FRY: variants seen among roughly 807,000 people sequenced by gnomAD.
FRY encodes FRY microtubule binding protein, also known as protein furry homolog.
FRY carries 128 observed loss-of-function variants against 348.4 expected under a neutral mutation model. The observed-to-expected ratio is 0.37, with a 90% confidence interval of 0.32 to 0.43. FRY has a LOEUF of 0.43. Among genes scored for constraint, FRY ranks in the 20% least tolerant of loss-of-function variants. FRY has a pLI of 1.00. For synonymous variants in FRY, 1,370 were observed against 1,374.7 expected (o/e 1.00, Z 0.08); for missense variants, 2,736 against 3,695.2 (o/e 0.74, Z 6.73).
intron 3 of FRY, among the ~76,000 whole-genome samples, chr13:32,105,020 A>T (rs576379891): frequency 6.6e-6 from 1 of 152,328 alleles, no homozygotes; most frequent in South Asian, 2.1e-4. Context: ...ACAGACTAAT[A>T]TAAAGCCATA....
Position 32,184,727 on chromosome 13 carries a change from A to G in FRY, c.3146+36A>G, listed in dbSNP as rs753952745. 2.5e-6 allele frequency: 3 copies of G among 1,193,672 alleles called. No homozygotes were observed. In the African/African-American group the frequency reaches 4.5e-5, roughly 18 times the overall value. 73.9% of individuals were successfully genotyped at this position (1,193,672 alleles called of 1,614,324 possible). A position where few individuals can be genotyped will look rare whatever the true frequency, so the allele number is the denominator to read the frequency against. On this transcript the variant is annotated intron_variant, in intron 25 of 60. Transcript: ENST00000542859. ...AATTCTACCGAGTTGCTCTCTTCTC[A>G]CCAGACTGATCTTTTTGTTTTCTTT...
intron 1 of FRY, 60 bp downstream of exon 1, chr13:32,031,925 A>T: frequency 1.0e-6 from 1 of 969,336 alleles, no homozygotes. Context: ...ATAAGGCTGG[A>T]GACAGAAAAT....
chr13:32,227,891 A>G (rs2138421575), intron 39 of FRY, among the ~76,000 whole-genome samples: 2 of 152,020 alleles, frequency 1.3e-5, no homozygotes, highest in East Asian at 3.9e-4. Context: ...AGCTGGGACT[A>G]CAGGTGCCGA....
rs113081964 is a variant in FRY at position 32,206,458 on chromosome 13, G to C, written c.4019-2395G>C. On this transcript the variant is annotated intron_variant, in intron 31 of 60. Transcript: ENST00000542859. ...AACTGTCAGTAGTTTCTGCAGGGAGGTAGTGGCAGAAGCCAGATCACAGTG... is the reference window on the plus strand; with the variant it reads ...AACTGTCAGTAGTTTCTGCAGGGAGCTAGTGGCAGAAGCCAGATCACAGTG... Among the ~76,000 whole-genome samples the C allele has an allele frequency of 4.4e-3, 675 of 152,322 alleles. 6 individuals are homozygous for C. The highest frequency in any genetic ancestry group is 0.016 in the African/African-American group (658 of 41,570).
intron 17 of FRY, among the ~76,000 whole-genome samples, chr13:32,163,048 T>G (rs769915773): frequency 1.3e-5 from 2 of 152,024 alleles, no homozygotes; most frequent in African/African-American, 4.8e-5. Flanking sequence ...GGGTCATCCA[T>G]GCTAATATTG....
At chr13:32,041,670 C>CT (rs1416781881) in intron 1 of FRY, among the ~76,000 whole-genome samples, 1 of 152,192 alleles carries the variant, frequency 6.6e-6, no homozygotes, top group African/African-American at 2.4e-5. Flanking sequence ...GCCCTGAGGC[C>CT]TGTTGTCAGC....
chr13:32,086,365 C>T (rs561826957), intron 2 of FRY, among the ~76,000 whole-genome samples: 1 of 152,306 alleles, frequency 6.6e-6, no homozygotes, highest in African/African-American at 2.4e-5. Context: ...ATTGTTTTCT[C>T]GTCTATGAAA....
chr13:32,031,993 T>TA, intron 1 of FRY, 128 bp downstream of exon 1: 2 of 608,916 alleles, frequency 3.3e-6, no homozygotes, highest in Non-Finnish European at 5.8e-6. Flanking sequence ...TCTTTTCTTT[T>TA]CTTTTCTCTT....
chr13:32,187,866 G>A (rs922487403), intron 28 of FRY, among the ~76,000 whole-genome samples: 7 of 152,212 alleles, frequency 4.6e-5, no homozygotes, highest in Middle Eastern at 3.4e-3. Context: ...GGGTCATAAA[G>A]CAAATCTCAA....
chr13:32,151,704 G>A lies in FRY; in HGVS notation c.1479+1870G>A, dbSNP rs767923781. ...ACCTTCTATATCCATCCTCATCGTCGTGAAGACTTGCTGGTCTGTGAGAAG... is the reference window on the plus strand; with the variant it reads ...ACCTTCTATATCCATCCTCATCGTCATGAAGACTTGCTGGTCTGTGAGAAG... On this transcript the variant is annotated intron_variant, in intron 14 of 60. Coordinates refer to ENST00000542859, the MANE Select transcript of FRY (RefSeq NM_023037.3). Among the ~76,000 whole-genome samples, 20 of 152,202 alleles carry A rather than the reference G, an allele frequency of 1.3e-4. 1 individual carries two copies. The highest frequency in any genetic ancestry group is 2.2e-4 in the African/African-American group (9 of 41,452).
intron 36 of FRY, among the ~76,000 whole-genome samples, chr13:32,222,226 T>C (rs748604443): frequency 3.9e-5 from 6 of 152,128 alleles, no homozygotes; most frequent in Admixed American, 1.3e-4. Flanking sequence ...GGGCCCAGCC[T>C]GATCACAGAA....
At chr13:32,225,159 C>A in intron 38 of FRY, 123 bp downstream of exon 38, 1 of 714,940 alleles carries the variant, frequency 1.4e-6, no homozygotes. Context: ...CTATCTCCAC[C>A]ATTTTTCATT....
chr13:32,149,675 T>G, intron 13 of FRY, 73 bp from the exon 14 acceptor site: 1 of 857,014 alleles, frequency 1.2e-6, no homozygotes, highest in Non-Finnish European at 2.0e-6. Context: ...TTGGTGCATA[T>G]TGATGAAAAT....
At chr13:32,089,977 A>G (rs760836649) in intron 2 of FRY, among the ~76,000 whole-genome samples, 55 of 152,266 alleles carry the variant, frequency 3.6e-4, no homozygotes, top group Non-Finnish European at 6.2e-4. Flanking sequence ...GTAGTTGAAG[A>G]CATTTTGAAT....
At chr13:32,153,226 T>G (rs549848813) in intron 14 of FRY, among the ~76,000 whole-genome samples, 1 of 152,242 alleles carries the variant, frequency 6.6e-6, no homozygotes, top group African/African-American at 2.4e-5. Flanking sequence ...TCAAAACACA[T>G]GCTCACAAAC....
intron 31 of FRY, 141 bp from the exon 32 acceptor site, chr13:32,208,712 C>G: frequency 1.0e-6 from 1 of 961,190 alleles, no homozygotes; most frequent in Non-Finnish European, 1.6e-6. Flanking sequence ...TTTTATCATT[C>G]TGTGGCCTTG....
At chr13:32,181,047 C>T (rs191883651) in intron 23 of FRY, among the ~76,000 whole-genome samples, 3 of 151,928 alleles carry the variant, frequency 2.0e-5, no homozygotes, top group African/African-American at 4.8e-5. Context: ...CGCACCACCA[C>T]TCCTGGCTAA....
At chr13:32,291,336 T>C (rs1385681602) in intron 59 of FRY, among the ~76,000 whole-genome samples, 2 of 152,158 alleles carry the variant, frequency 1.3e-5, no homozygotes, top group Non-Finnish European at 2.9e-5. Flanking sequence ...TGTCAGATAA[T>C]AGGAATCAAC....
intron 40 of FRY, among the ~76,000 whole-genome samples, chr13:32,229,586 C>G (rs1236036484): frequency 1.3e-5 from 2 of 152,118 alleles, no homozygotes; most frequent in Non-Finnish European, 2.9e-5. Flanking sequence ...CTTCAGAGAC[C>G]CGCATGATTT....
Sources: gnomAD v4.1 joint callset for allele counts (sites outside exome capture counted in the v4.1 genomes callset) on GRCh38, gnomAD v4.1.1 for gene constraint, MANE v1.5 for transcripts, NCBI Gene and HGNC (gene_info 2026-07-23, HGNC 2026-07-21) for gene names.